The following CCDC47 variants were observed in gnomAD, a reference collection of about 807,000 sequenced individuals.
CCDC47 encodes the protein PAT complex subunit CCDC47.
In CCDC47, 41 loss-of-function variants were observed where a neutral mutation model predicts 60.5. The observed-to-expected ratio is 0.68, with a 90% CI of 0.53 to 0.88. CCDC47 has a LOEUF of 0.88. Ranked by LOEUF, CCDC47 falls within the 40% of genes least tolerant of loss-of-function variation. The pLI, the probability that CCDC47 is intolerant of heterozygous loss-of-function variation, is 0.00. For synonymous variants in CCDC47, 195 were observed against 190.7 expected (o/e 1.02, Z -0.18); for missense variants, 513 against 580.9 (o/e 0.88, Z 1.20).
intron 8 of CCDC47, 98 bp from the exon 9 acceptor site, chr17:63,754,616 C>T: frequency 1.4e-6 from 1 of 701,768 alleles, no homozygotes; most frequent in Non-Finnish European, 2.4e-6. Context: ...CAACGGCTCA[C>T]ACCAGTAATC....
intron 6 of CCDC47, among the ~76,000 whole-genome samples, chr17:63,759,099 A>T (rs1022358044): frequency 6.6e-6 from 1 of 151,998 alleles, no homozygotes; most frequent in Non-Finnish European, 1.5e-5. Context: ...ATATTAACTG[A>T]TAGGGTTCTA....
chr17:63,771,319 G>A (rs1463165798), intron 1 of CCDC47, among the ~76,000 whole-genome samples: 2 of 152,090 alleles, frequency 1.3e-5, no homozygotes, highest in Non-Finnish European at 2.9e-5. Flanking sequence ...ATGGTAGGAG[G>A]TGCATAGGTT....
intron 1 of CCDC47, among the ~76,000 whole-genome samples, chr17:63,769,322 A>G (rs1170513814): frequency 1.3e-5 from 2 of 151,788 alleles, no homozygotes; most frequent in African/African-American, 2.4e-5. Context: ...GCACATAAAG[A>G]AAAAGGTTTG....
intron 1 of CCDC47, among the ~76,000 whole-genome samples, chr17:63,768,705 A>G (rs900615717): frequency 6.6e-6 from 1 of 152,104 alleles, no homozygotes; most frequent in Non-Finnish European, 1.5e-5. Context: ...CAAAACACAA[A>G]TAACAAAAGA....
At chr17:63,760,056 C>T (rs926913082) in intron 6 of CCDC47, among the ~76,000 whole-genome samples, 7 of 96,596 alleles carry the variant, frequency 7.2e-5, no homozygotes, top group Non-Finnish European at 7.5e-5. Flanking sequence ...GAGCAAGACT[C>T]CGTCTCAAAA....
chr17:63,751,139 C>T (rs529763670), intron 12 of CCDC47, among the ~76,000 whole-genome samples: 61 of 151,414 alleles, frequency 4.0e-4, no homozygotes, highest in Non-Finnish European at 6.6e-4. Context: ...CTTAGCCTCC[C>T]AAAGTGCTGG....
At chr17:63,752,531 T>G in intron 10 of CCDC47, 102 bp from the exon 11 acceptor site, 1 of 818,286 alleles carries the variant, frequency 1.2e-6, no homozygotes, top group Non-Finnish European at 1.9e-6. Flanking sequence ...CTCATTTCTC[T>G]AAGTTTGTTA....
intron 6 of CCDC47, among the ~76,000 whole-genome samples, chr17:63,757,967 G>A (rs112979248): frequency 5.9e-5 from 9 of 152,060 alleles, no homozygotes; most frequent in Non-Finnish European, 1.3e-4. Flanking sequence ...TGAAAGAGAG[G>A]GAGGACGAAA....
At chr17:63,770,711 C>T (rs985282308) in intron 1 of CCDC47, among the ~76,000 whole-genome samples, 8 of 152,048 alleles carry the variant, frequency 5.3e-5, no homozygotes, top group East Asian at 1.9e-4. Context: ...AAAGGCTGGG[C>T]GCAGTGGCTC....
chr17:63,761,497 T>C (rs570968364), intron 4 of CCDC47, 146 bp from the exon 5 acceptor site: 6 of 652,250 alleles, frequency 9.2e-6, no homozygotes, highest in Admixed American at 7.9e-5. Context: ...CTGGCCAGCA[T>C]GGTGAAACCC....
chr17:63,766,184 G>A lies in CCDC47; in HGVS notation c.-9C>T, dbSNP rs777040718. The A allele has an allele frequency of 6.3e-6, 10 of 1,588,118 alleles. No homozygotes were observed. Among genetic ancestry groups the A allele is most frequent in the South Asian group, 4.6e-5 (4 of 86,172 alleles). On this transcript the variant is annotated 5_prime_UTR_variant, in exon 2 of 13. Transcript: ENST00000225726. ...GTGTGGAAGGCTTTCATTGCACCTTGAGAAAAAAAGCTTAAAAAAAAAGAG... is the reference window on the plus strand; with the variant it reads ...GTGTGGAAGGCTTTCATTGCACCTTAAGAAAAAAAGCTTAAAAAAAAAGAG...
intron 12 of CCDC47, among the ~76,000 whole-genome samples, chr17:63,750,778 G>A (rs1410283375): frequency 3.9e-5 from 6 of 151,912 alleles, no homozygotes; most frequent in African/African-American, 1.5e-4. Context: ...TAGTAGAGAC[G>A]GGGTTTCAGC....
intron 7 of CCDC47, 27 bp from the exon 8 acceptor site, chr17:63,756,377 G>T (rs1568247909): frequency 6.3e-7 from 1 of 1,595,334 alleles, no homozygotes; most frequent in Non-Finnish European, 8.6e-7. Flanking sequence ...TTGAAAGTAA[G>T]ATATGACCTT....
In CCDC47 at chr17:63,751,920, C is replaced by A; in HGVS notation, c.1371+20G>T. The stretch of plus-strand genomic sequence containing the variant: ...ATCCTTACAAATCGTAGTTTTACCC[C>A]AGTGATAAGTTTGTCTAACCTCCAG... On this transcript the variant is annotated intron_variant, in intron 12 of 12. Coordinates refer to ENST00000225726, the MANE Select transcript of CCDC47 (RefSeq NM_020198.3). 6.2e-7 allele frequency: 1 copy of A among 1,613,168 alleles called. No individual in the cohort carries two copies. Among genetic ancestry groups the A allele is most frequent in the Non-Finnish European group, 8.5e-7 (1 of 1,179,650 alleles).
intron 9 of CCDC47, 28 bp from the exon 10 acceptor site, chr17:63,752,827 A>C: frequency 6.2e-7 from 1 of 1,604,582 alleles, no homozygotes; most frequent in Non-Finnish European, 8.5e-7. Flanking sequence ...GCAATTAAGA[A>C]GGAATACAAG....
At chr17:63,764,267 G>T in intron 3 of CCDC47, 77 bp from the exon 4 acceptor site, 1 of 1,092,774 alleles carries the variant, frequency 9.2e-7, no homozygotes, top group Non-Finnish European at 1.3e-6. Flanking sequence ...GGAAGAATGA[G>T]AAAATCCATA....
Position 63,756,336 on chromosome 17 carries a change from A to T in CCDC47, c.852T>A (p.Ser284Arg), listed in dbSNP as rs773123564. The change falls in exon 8 of 13, where the codon AGT becomes AGA. Residue 284 changes from serine to arginine, a missense_variant. Physicochemically the swap from Ser to Arg is moderately radical, Grantham distance 110 (BLOSUM62 -1). Transcript: ENST00000225726. ...ACTTTGCTCCAGACTTAGGTTTATC[A>T]CTACAAAACTCACTCTAGAGGAAGA... ...KEMQDLSEFCSDKPKSGAKYG... is the reference protein window; with the variant it reads ...KEMQDLSEFCRDKPKSGAKYG... 3.2e-5 allele frequency: 52 copies of T among 1,613,676 alleles called. No individual in the cohort carries two copies. Among genetic ancestry groups the T allele is most frequent in the Non-Finnish European group, 3.1e-5 (37 of 1,179,662 alleles).
intron 2 of CCDC47, chr17:63,765,080 A>T: frequency 2.6e-6 from 1 of 381,460 alleles, no homozygotes; most frequent in Non-Finnish European, 3.6e-6. Flanking sequence ...TGTATTGTAG[A>T]CTTGAAATCT....
In CCDC47 at chr17:63,745,744, A is replaced by G. The variant is rs1282345504; in HGVS notation, c.*1137T>C. On this transcript the variant is annotated 3_prime_UTR_variant, in exon 13 of 13. Transcript: ENST00000225726. ...CGGCAAAAATTACCTGGTACAAGCA[A>G]TGACCTAAAAATGCTTTCTTGGTAA... is the stretch of plus-strand genomic sequence containing the variant. The G allele has an allele frequency of 6.6e-6, 1 of 152,214 alleles. No individual in the cohort carries two copies. Among genetic ancestry groups the G allele is most frequent in the Non-Finnish European group, 1.5e-5 (1 of 68,032 alleles). The allele number at this position is 152,214 out of a possible 1,614,324, so 9.4% of individuals were successfully genotyped here. A position where few individuals can be genotyped will look rare whatever the true frequency, so the allele number is the denominator to read the frequency against.
Sources: allele counts gnomAD v4.1 joint callset (sites outside exome capture counted in the v4.1 genomes callset), GRCh38; gene constraint gnomAD v4.1.1; transcripts MANE v1.5; gene names NCBI Gene and HGNC (gene_info 2026-07-23, HGNC 2026-07-21).